Variants in PBX3 observed in about 807,000 individuals in gnomAD.
The protein encoded by PBX3 is PBX homeobox 3.
PBX3 carries 14 observed loss-of-function variants against 48.5 expected under a neutral mutation model. That is an observed-to-expected ratio of 0.29 (90% CI 0.19 to 0.45). The LOEUF (loss-of-function observed/expected upper bound fraction) is 0.45, where lower values mean the gene tolerates loss of function less well. Ranked by LOEUF, PBX3 falls within the 20% of genes least tolerant of loss-of-function variation. The pLI is 1.00. For missense variants in PBX3, 386 were observed against 546.7 expected, an observed-to-expected ratio of 0.71 and a Z score of 2.93; for synonymous variants, 210 against 200.3, an observed-to-expected ratio of 1.05 and a Z score of -0.41.
intron 2 of PBX3, among the ~76,000 whole-genome samples, chr9:125,813,408 A>G (rs4406519): frequency 6.6e-6 from 1 of 152,222 alleles, no homozygotes; most frequent in Non-Finnish European, 1.5e-5. Flanking sequence ...CCATCATTGT[A>G]TATGTGGTCC....
chr9:125,929,239 G>C (rs1205712332), intron 3 of PBX3, among the ~76,000 whole-genome samples: 1 of 152,156 alleles, frequency 6.6e-6, no homozygotes, highest in African/African-American at 2.4e-5. Context: ...GTTCCTTATA[G>C]CACTGGCAAG....
intron 5 of PBX3, among the ~76,000 whole-genome samples, chr9:125,936,298 T>G (rs1841834395): frequency 6.6e-6 from 1 of 152,230 alleles, no homozygotes; most frequent in Non-Finnish European, 1.5e-5. Context: ...GTGTACCTCT[T>G]TAGAACATAA....
intron 2 of PBX3, among the ~76,000 whole-genome samples, chr9:125,780,310 G>T: frequency 7.2e-6 from 1 of 139,356 alleles, no homozygotes; most frequent in South Asian, 2.3e-4. Context: ...CCCAGTAGGG[G>T]CGGCTGGGCA....
chr9:125,862,334 A>G (rs974418423), intron 2 of PBX3, among the ~76,000 whole-genome samples: 4 of 152,226 alleles, frequency 2.6e-5, no homozygotes, highest in African/African-American at 9.6e-5. Context: ...GAACACCAGC[A>G]TCAAAATTTA....
intron 2 of PBX3, among the ~76,000 whole-genome samples, chr9:125,799,371 G>A (rs772541293): frequency 9.9e-5 from 15 of 152,106 alleles, no homozygotes; most frequent in Non-Finnish European, 1.5e-4. Context: ...TGGGTGTGGT[G>A]GCGTGCACGC....
chr9:125,908,785 T>C (rs1420718711), intron 2 of PBX3, among the ~76,000 whole-genome samples: 2 of 152,138 alleles, frequency 1.3e-5, no homozygotes, highest in Admixed American at 6.5e-5. Context: ...GTTGTCATAT[T>C]TACCAGTCCT....
chr9:125,839,962 T>C (rs1389336783), intron 2 of PBX3, among the ~76,000 whole-genome samples: 2 of 152,184 alleles, frequency 1.3e-5, no homozygotes, highest in African/African-American at 4.8e-5. Context: ...TGTTCTATTA[T>C]CTGTCAGTCT....
chr9:125,757,400 C>A (rs1283247579), intron 2 of PBX3, among the ~76,000 whole-genome samples: 5 of 152,066 alleles, frequency 3.3e-5, no homozygotes, highest in African/African-American at 4.8e-5. Context: ...AGCAAGAACT[C>A]TGCCACCAAC....
At chr9:125,810,394 GTGTA>G (rs1838255725) in intron 2 of PBX3, among the ~76,000 whole-genome samples, 1 of 151,628 alleles carries the variant, frequency 6.6e-6, no homozygotes, top group African/African-American at 2.4e-5. Flanking sequence ...GTGTGTGTGT[GTGTA>G]TGGTGGAGCA....
At chr9:125,842,895 C>G (rs1232709754) in intron 2 of PBX3, among the ~76,000 whole-genome samples, 1 of 152,036 alleles carries the variant, frequency 6.6e-6, no homozygotes, top group Non-Finnish European at 1.5e-5. Flanking sequence ...TAATTCAAAT[C>G]TTCATCTTTA....
rs879734608 is a variant in PBX3, at chr9:125,966,888, A to G, written c.*965A>G. On this transcript the variant is annotated 3_prime_UTR_variant, in exon 9 of 9. Transcript: ENST00000373489. ...GTTTGTCTCTTTCTTATCTTTTTGC[A>G]TCTTGTAATTAACTCTTTGTTTCCC... 6.6e-6 allele frequency: 1 copy of G among 152,568 alleles called. No individual in the cohort carries two copies. The highest frequency in any genetic ancestry group is 1.5e-5 in the Non-Finnish European group (1 of 68,032). 9.5% of individuals were successfully genotyped at this position (152,568 alleles called of 1,614,324 possible).
rs950320469 is a variant in PBX3, at chr9:125,792,050, G to A, written c.274+43427G>A. 2.3e-4 allele frequency among the ~76,000 whole-genome samples: 26 copies of A among 112,682 alleles called. 1 individual carries two copies. The South Asian group carries it at 3.2e-3, about 14-fold the overall frequency. 73.9% of individuals were successfully genotyped at this position (112,682 alleles called of 152,430 possible). A position where few individuals can be genotyped will look rare whatever the true frequency, so the allele number is the denominator to read the frequency against. ...ATTAATACTACACACACACACGCAC[G>A]CACGCACGCACGCACGCACGCACGC... is the stretch of plus-strand genomic sequence containing the variant. On this transcript the variant is annotated intron_variant, in intron 2 of 8. Transcript: ENST00000373489.
Position 125,898,614 on chromosome 9 carries a change from T to C in PBX3, c.275-17072T>C, listed in dbSNP as rs148802732. Among the ~76,000 whole-genome samples the C allele has an allele frequency of 7.8e-3, 1,179 of 151,748 alleles. 12 individuals carry two copies. Among genetic ancestry groups the C allele is most frequent in the African/African-American group, 0.027 (1,138 of 41,442 alleles). ...TAGCTCAGCCCTCTCATTTGATAGA[T>C]GAGGGAAATTAAACTCAGGGGAGGC... is the stretch of plus-strand genomic sequence containing the variant. On this transcript the variant is annotated intron_variant, in intron 2 of 8. Transcript: ENST00000373489.
At chr9:125,880,369 C>T (rs373921417) in intron 2 of PBX3, among the ~76,000 whole-genome samples, 6 of 152,280 alleles carry the variant, frequency 3.9e-5, no homozygotes, top group East Asian at 1.9e-4. Context: ...AATTTCAGGT[C>T]GCTATAACAG....
intron 2 of PBX3, among the ~76,000 whole-genome samples, chr9:125,822,405 G>T (rs1838678682): frequency 6.6e-6 from 1 of 152,112 alleles, no homozygotes; most frequent in Admixed American, 6.6e-5. Context: ...CAAGATCTGG[G>T]AAAGATCTTT....
At chr9:125,935,295 GT>G (rs1841810561) in intron 4 of PBX3, among the ~76,000 whole-genome samples, 176 bp from the exon 5 acceptor site, 2 of 152,182 alleles carry the variant, frequency 1.3e-5, no homozygotes, top group Admixed American at 1.3e-4. Context: ...CTTAAAATGA[GT>G]TGGATAATGC....
At chr9:125,890,204 C>A (rs1161719018) in intron 2 of PBX3, among the ~76,000 whole-genome samples, 1 of 152,170 alleles carries the variant, frequency 6.6e-6, no homozygotes, top group East Asian at 1.9e-4. Flanking sequence ...TGCATAACCA[C>A]CATGTGAACA....
Position 125,915,783 on chromosome 9 carries a change from G to A in PBX3, c.372G>A (p.Glu124=). Residue 124 remains glutamate, a synonymous_variant, in exon 3 of 9, where the codon GAG becomes GAA. Transcript: ENST00000373489. ...TGGCAGAAGGGGTTTCAGGTCCTGA[G>A]AAAGGTGGGGGATCGGCGGCAGCAG... ...MLLAEGVSGP[E]KGGGSAAAAA... 6.2e-7 allele frequency: 1 copy of A among 1,614,128 alleles called. No homozygotes were observed. Among genetic ancestry groups the A allele is most frequent in the Non-Finnish European group, 8.5e-7 (1 of 1,180,016 alleles).
chr9:125,961,183 G>T (rs1407182217), intron 6 of PBX3, among the ~76,000 whole-genome samples: 1 of 152,248 alleles, frequency 6.6e-6, no homozygotes, highest in Non-Finnish European at 1.5e-5. Context: ...GTAGTGGTCT[G>T]TGGAGAGTGA....
Sources: allele counts gnomAD v4.1 joint callset (sites outside exome capture counted in the v4.1 genomes callset), GRCh38; gene constraint gnomAD v4.1.1; transcripts MANE v1.5; gene names NCBI Gene and HGNC (gene_info 2026-07-23, HGNC 2026-07-21).